EPHA6: variants seen among roughly 807,000 people sequenced by gnomAD.
EPHA6 encodes EPH receptor A6, also known as ephrin type-A receptor 6.
Under a neutral mutation model 112.0 loss-of-function variants are expected in EPHA6, and 50 were observed. That is an observed-to-expected ratio of 0.45 (90% CI 0.36 to 0.56). EPHA6 has a LOEUF of 0.56. Among genes scored for constraint, EPHA6 ranks in the 20% least tolerant of loss-of-function variants. The probability of loss-of-function intolerance (pLI) is 0.00; values close to 1 mark genes in which losing one functional copy is unlikely to be tolerated. For missense variants in EPHA6, 1,280 were observed against 1,417.4 expected (o/e 0.90, Z 1.56); for synonymous variants, 529 against 490.7 (o/e 1.08, Z -1.03).
chr3:97,030,156 G>A (rs1319018586), intron 3 of EPHA6, among the ~76,000 whole-genome samples: 2 of 151,960 alleles, frequency 1.3e-5, no homozygotes, highest in East Asian at 1.9e-4. Context: ...TATTTTTTAC[G>A]TATTTGCTGA....
Position 97,274,626 on chromosome 3 carries a change from A to AG in EPHA6, c.1606+30345dup, listed in dbSNP as rs561878514. ...AGTTCAGCTTGTTGAGAGGTAGTGG[A>AG]GGGGGGCAGAGTGGTAGCCTCAATG... On this transcript the variant is annotated intron_variant, in intron 5 of 17. Coordinates refer to ENST00000389672, the MANE Select transcript of EPHA6 (RefSeq NM_001080448.3). Among the ~76,000 whole-genome samples, 949 of 152,240 alleles carry AG rather than the reference A, an allele frequency of 6.2e-3. 7 individuals are homozygous for AG. Among genetic ancestry groups the AG allele is most frequent in the African/African-American group, 0.021 (863 of 41,536 alleles).
intron 11 of EPHA6, among the ~76,000 whole-genome samples, chr3:97,566,495 G>A (rs1217430569): frequency 1.3e-5 from 2 of 152,228 alleles, no homozygotes; most frequent in Non-Finnish European, 2.9e-5. Flanking sequence ...GATTGTATGA[G>A]TAGTGCTGCT....
intron 14 of EPHA6, among the ~76,000 whole-genome samples, chr3:97,644,207 T>G (rs1411829584): frequency 2.0e-5 from 3 of 151,842 alleles, no homozygotes; most frequent in Non-Finnish European, 4.4e-5. Flanking sequence ...ATAACGAAAT[T>G]AAGGCAGAAA....
intron 3 of EPHA6, among the ~76,000 whole-genome samples, chr3:97,179,988 TC>T (rs1014015742): frequency 6.6e-6 from 1 of 151,974 alleles, no homozygotes; most frequent in African/African-American, 2.4e-5. Context: ...GTTGGCAAGG[TC>T]CCCCAAATTC....
chr3:96,904,738 A>C (rs952359056), intron 2 of EPHA6, among the ~76,000 whole-genome samples: 51 of 152,270 alleles, frequency 3.3e-4, no homozygotes, highest in African/African-American at 1.2e-3. Context: ...AACATTGTTC[A>C]AAATGTACAG....
At chr3:97,518,142 T>G (rs979334745) in intron 10 of EPHA6, among the ~76,000 whole-genome samples, 4 of 152,180 alleles carry the variant, frequency 2.6e-5, no homozygotes, top group African/African-American at 9.6e-5. Context: ...ATAGTAATTC[T>G]ATTTATCTTG....
intron 2 of EPHA6, among the ~76,000 whole-genome samples, chr3:96,871,091 A>C (rs1559788444): frequency 6.6e-6 from 1 of 152,016 alleles, no homozygotes; most frequent in East Asian, 1.9e-4. Context: ...TCTTCTTAGA[A>C]ACTTCACAAC....
intron 3 of EPHA6, among the ~76,000 whole-genome samples, chr3:97,046,568 A>G (rs1271204381): frequency 6.6e-6 from 1 of 152,192 alleles, no homozygotes; most frequent in African/African-American, 2.4e-5. Context: ...TTAAGAATGG[A>G]AAGGAAATAA....
At chr3:97,297,200 G>A (rs1269975499) in intron 5 of EPHA6, among the ~76,000 whole-genome samples, 1 of 152,078 alleles carries the variant, frequency 6.6e-6, no homozygotes, top group Non-Finnish European at 1.5e-5. Flanking sequence ...TCACACACCG[G>A]GGAGCCACTC....
At chr3:96,852,157 T>A (rs552570870) in intron 1 of EPHA6, among the ~76,000 whole-genome samples, 1 of 152,170 alleles carries the variant, frequency 6.6e-6, no homozygotes, top group South Asian at 2.1e-4. Context: ...AAGAAAAGAA[T>A]GGAAATGCCT....
At chr3:97,606,085 A>G (rs971114073) in intron 12 of EPHA6, 5 of 151,426 alleles carry the variant, frequency 3.3e-5, no homozygotes, top group African/African-American at 9.7e-5. Context: ...TAATTCTGCA[A>G]TAAACAATGC....
intron 14 of EPHA6, among the ~76,000 whole-genome samples, chr3:97,670,296 A>G (rs2030672662): frequency 6.6e-6 from 1 of 152,248 alleles, no homozygotes; most frequent in Non-Finnish European, 1.5e-5. Flanking sequence ...AGAGTTTGAA[A>G]ATAGCATTGA....
At chr3:97,027,917 G>T (rs1224417302) in intron 3 of EPHA6, among the ~76,000 whole-genome samples, 1 of 152,082 alleles carries the variant, frequency 6.6e-6, no homozygotes, top group Non-Finnish European at 1.5e-5. Context: ...TCTTCCTTCA[G>T]ACTTACTCCA....
intron 2 of EPHA6, among the ~76,000 whole-genome samples, chr3:96,879,554 T>G (rs906352668): frequency 6.6e-6 from 1 of 152,024 alleles, no homozygotes; most frequent in African/African-American, 2.4e-5. Flanking sequence ...GTGACTATGG[T>G]TACAATAATA....
intron 2 of EPHA6, among the ~76,000 whole-genome samples, chr3:96,947,089 C>G (rs2041305442): frequency 6.6e-6 from 1 of 150,876 alleles, no homozygotes; most frequent in African/African-American, 2.4e-5. Context: ...AGGCCTTTGT[C>G]AGATGAGTAG....
intron 5 of EPHA6, among the ~76,000 whole-genome samples, chr3:97,251,454 C>T (rs775385758): frequency 6.6e-6 from 1 of 151,862 alleles, no homozygotes. Context: ...GGCCTGAACC[C>T]AGGAGGCGGA....
At chr3:96,900,140 T>C (rs2038524524) in intron 2 of EPHA6, among the ~76,000 whole-genome samples, 1 of 152,190 alleles carries the variant, frequency 6.6e-6, no homozygotes, top group African/African-American at 2.4e-5. Context: ...CCTAGCTATT[T>C]AGAAACCTAC....
At chr3:96,833,794 A>G (rs2034234589) in intron 1 of EPHA6, among the ~76,000 whole-genome samples, 4 of 151,988 alleles carry the variant, frequency 2.6e-5, no homozygotes, top group African/African-American at 2.4e-5. Context: ...GAACATTGCA[A>G]TTCCACTGTT....
intron 14 of EPHA6, among the ~76,000 whole-genome samples, chr3:97,685,244 G>A (rs983538439): frequency 2.0e-5 from 3 of 152,130 alleles, no homozygotes; most frequent in Non-Finnish European, 2.9e-5. Flanking sequence ...ATGAACAGGT[G>A]AGCAAACTGT....
Sources: allele counts gnomAD v4.1 joint callset (sites outside exome capture counted in the v4.1 genomes callset), GRCh38; gene constraint gnomAD v4.1.1; transcripts MANE v1.5; gene names NCBI Gene and HGNC (gene_info 2026-07-23, HGNC 2026-07-21).